The following PRUNE2 variants were observed in gnomAD, a reference collection of about 807,000 sequenced individuals.
The protein encoded by PRUNE2 is protein prune homolog 2.
A neutral mutation model predicts 252.0 loss-of-function variants in PRUNE2; 164 were observed. The observed-to-expected ratio is 0.65, with a 90% CI of 0.57 to 0.74. The LOEUF is 0.74. PRUNE2 is among the 30% of genes least tolerant of loss of function. PRUNE2 has a pLI of 0.00. For synonymous variants in PRUNE2, 1,292 were observed against 1,350.2 expected, an observed-to-expected ratio of 0.96 and a Z score of 0.94; for missense variants, 3,495 against 3,711.0, an observed-to-expected ratio of 0.94 and a Z score of 1.51.
chr9:76,756,898 G>A (rs2051212803), intron 6 of PRUNE2, among the ~76,000 whole-genome samples: 1 of 151,882 alleles, frequency 6.6e-6, no homozygotes, highest in South Asian at 2.1e-4. Flanking sequence ...ATTTTTGGGG[G>A]GCTGGAATAG....
At chr9:76,698,825 T>A (rs1204284421) in intron 9 of PRUNE2, among the ~76,000 whole-genome samples, 1 of 152,126 alleles carries the variant, frequency 6.6e-6, no homozygotes, top group African/African-American at 2.4e-5. Flanking sequence ...AGGTGAAAAT[T>A]ACTAATTTAA....
intron 7 of PRUNE2, 51 bp downstream of exon 7, chr9:76,713,512 G>A: frequency 6.7e-7 from 1 of 1,499,252 alleles, no homozygotes; most frequent in African/African-American, 1.4e-5. Context: ...TGTTCTGAGA[G>A]CCAGCAGGTT....
intron 1 of PRUNE2, among the ~76,000 whole-genome samples, chr9:76,880,712 T>C (rs2061724434): frequency 6.6e-6 from 1 of 152,230 alleles, no homozygotes; most frequent in Non-Finnish European, 1.5e-5. Context: ...CGAAGCATTA[T>C]CTAGAAGTAA....
At chr9:76,748,844 C>T (rs1267374953) in intron 6 of PRUNE2, 2 of 152,258 alleles carry the variant, frequency 1.3e-5, no homozygotes, top group East Asian at 3.9e-4. Flanking sequence ...CACCATACAT[C>T]GTAGGAGCTG....
chr9:76,854,733 T>C (rs2132644994), intron 1 of PRUNE2, among the ~76,000 whole-genome samples: 1 of 152,218 alleles, frequency 6.6e-6, no homozygotes, highest in African/African-American at 2.4e-5. Flanking sequence ...TGTAACACTT[T>C]TGTCTGTCAG....
intron 18 of PRUNE2, among the ~76,000 whole-genome samples, chr9:76,618,646 T>A (rs560663342): frequency 6.6e-6 from 1 of 152,216 alleles, no homozygotes; most frequent in Non-Finnish European, 1.5e-5. Context: ...TTAAAAACCA[T>A]TGGCCCTGGA....
chr9:76,704,769 G>C lies in PRUNE2; in HGVS notation c.7505C>G (p.Pro2502Arg). The C allele has an allele frequency of 6.5e-7, 1 of 1,546,384 alleles. No individual in the cohort carries two copies. ...AATGGAATGTTTCTTACCATTTGGT[G>C]GTCCTATGTCTCCACCTGCTGGTAA... ...SDLPAGGDIG[P>R]PNGASKEISE... Residue 2502 changes from proline (P) to arginine (R), a missense_variant, in exon 8 of 19, where the codon CCA (proline) becomes CGA (arginine). By Grantham distance (103) the Pro-to-Arg change is moderately radical (BLOSUM62 -2). Transcript: ENST00000376718.
intron 6 of PRUNE2, among the ~76,000 whole-genome samples, chr9:76,774,754 C>T (rs1387797468): frequency 1.3e-5 from 2 of 151,978 alleles, no homozygotes; most frequent in South Asian, 2.1e-4. Context: ...CCACTAGGCC[C>T]GACCCAATTC....
intron 1 of PRUNE2, among the ~76,000 whole-genome samples, chr9:76,870,276 CTTT>C (rs35189740): frequency 6.9e-6 from 1 of 144,982 alleles, no homozygotes. Context: ...GACTCCCTAA[CTTT>C]TTTTTTTTTT....
At chr9:76,652,414 G>T (rs983153220) in intron 11 of PRUNE2, 69 bp downstream of exon 11, 5 of 1,071,762 alleles carry the variant, frequency 4.7e-6, no homozygotes, top group Non-Finnish European at 7.0e-6. Flanking sequence ...GCACAAAAAT[G>T]AGAGGTCTGT....
At chr9:76,631,044 T>C (rs909667378) in intron 15 of PRUNE2, among the ~76,000 whole-genome samples, 1 of 152,150 alleles carries the variant, frequency 6.6e-6, no homozygotes, top group Non-Finnish European at 1.5e-5. Context: ...ATACTTTACT[T>C]GCAATTTTGG....
In PRUNE2 at chr9:76,708,256, C is replaced by T; in HGVS notation, c.4018G>A (p.Asp1340Asn). The T allele has an allele frequency of 6.2e-7, 1 of 1,613,946 alleles. No homozygotes were observed. Among genetic ancestry groups the T allele is most frequent in the South Asian group, 1.1e-5 (1 of 91,078 alleles). The change falls in exon 8 of 19, where the codon GAT (aspartate) becomes AAT (asparagine). Residue 1340 changes from aspartate (D) to asparagine (N), a missense_variant. Asp to Asn is a conservative substitution (Grantham distance 23). Coordinates refer to ENST00000376718, the MANE Select transcript of PRUNE2 (RefSeq NM_015225.3). Reference protein sequence around the residue: ...AQGATDRGHLDEEEVIASGVE... With the variant: ...AQGATDRGHLNEEEVIASGVE... The stretch of plus-strand genomic sequence containing the variant: ...CCAGAGGCGATCACCTCCTCTTCAT[C>T]AAGGTGCCCCCTGTCAGTGGCTCCC...
chr9:76,890,580 T>C (rs1358184944), intron 1 of PRUNE2, among the ~76,000 whole-genome samples: 1 of 152,160 alleles, frequency 6.6e-6, no homozygotes, highest in Admixed American at 6.5e-5. Context: ...GTGTGCACGA[T>C]TTAACAACTA....
intron 6 of PRUNE2, among the ~76,000 whole-genome samples, chr9:76,770,080 A>G (rs576015216): frequency 6.6e-6 from 1 of 152,280 alleles, no homozygotes; most frequent in East Asian, 1.9e-4. Flanking sequence ...TTGCCAATTT[A>G]TTATTGTTAA....
At chr9:76,736,836 C>G (rs1228653052) in intron 6 of PRUNE2, 1 of 152,154 alleles carries the variant, frequency 6.6e-6, no homozygotes, top group East Asian at 1.9e-4. Context: ...CTTGGGCTTC[C>G]TAGTATTCCA....
intron 4 of PRUNE2, among the ~76,000 whole-genome samples, chr9:76,828,569 G>A (rs998414697): frequency 2.6e-5 from 4 of 152,136 alleles, no homozygotes; most frequent in African/African-American, 9.7e-5. Context: ...TCAGTAAGGA[G>A]GCTGTTTTGG....
At chr9:76,822,281 A>G (rs997958623) in intron 6 of PRUNE2, among the ~76,000 whole-genome samples, 2 of 152,250 alleles carry the variant, frequency 1.3e-5, no homozygotes, top group African/African-American at 4.8e-5. Context: ...TACAATGAGA[A>G]CATGCTCTGT....
At chr9:76,781,862 G>C (rs1368798921) in intron 6 of PRUNE2, among the ~76,000 whole-genome samples, 3 of 152,182 alleles carry the variant, frequency 2.0e-5, no homozygotes, top group Non-Finnish European at 4.4e-5. Flanking sequence ...ACAGCAAAAT[G>C]AATGGAGATG....
intron 12 of PRUNE2, among the ~76,000 whole-genome samples, chr9:76,639,449 C>T (rs1841622739): frequency 6.6e-6 from 1 of 152,172 alleles, no homozygotes; most frequent in Admixed American, 6.5e-5. Context: ...CAAGATCGTG[C>T]CACTGCCCTC....
Sources: allele counts gnomAD v4.1 joint callset (sites outside exome capture counted in the v4.1 genomes callset), GRCh38; gene constraint gnomAD v4.1.1; transcripts MANE v1.5; gene names NCBI Gene and HGNC (gene_info 2026-07-23, HGNC 2026-07-21).